The following PLXDC2 variants were observed in gnomAD, a reference collection of about 807,000 sequenced individuals.
PLXDC2 encodes the protein plexin domain-containing protein 2.
Under a neutral mutation model 68.9 loss-of-function variants are expected in PLXDC2, and 40 were observed. The ratio of observed to expected loss-of-function variants is 0.58; its 90% CI spans 0.45 to 0.76. PLXDC2 has a LOEUF of 0.76. PLXDC2 is among the 30% of genes least tolerant of loss of function. PLXDC2 has a pLI of 0.00. For synonymous variants in PLXDC2, 243 were observed against 234.2 expected, an observed-to-expected ratio of 1.04 and a Z score of -0.34; for missense variants, 644 against 661.9, an observed-to-expected ratio of 0.97 and a Z score of 0.30.
chr10:19,988,267 G>C (rs1401419831), intron 1 of PLXDC2, among the ~76,000 whole-genome samples: 5 of 152,166 alleles, frequency 3.3e-5, no homozygotes, highest in Admixed American at 3.3e-4. Flanking sequence ...GAAAGATTAA[G>C]ATATTCTAAT....
rs1209289537 is a variant in PLXDC2 at position 19,913,054 on chromosome 10, A to T, written c.113-88721A>T. ...CCTAGATCTCACAAGTTGTCAAAGT[A>T]TCTGAATGTTTTTGAATGCAGCTAT... On this transcript the variant is annotated intron_variant, in intron 1 of 13. Coordinates refer to ENST00000377252, the MANE Select transcript of PLXDC2 (RefSeq NM_032812.9). Among the ~76,000 whole-genome samples, 4 of 152,208 alleles carry T rather than the reference A, an allele frequency of 2.6e-5. No homozygotes were observed. The East Asian group carries it at 7.7e-4, about 29-fold the overall frequency.
intron 12 of PLXDC2, among the ~76,000 whole-genome samples, chr10:20,233,229 ACT>A (rs771593508): frequency 2.6e-5 from 4 of 151,704 alleles, no homozygotes; most frequent in Non-Finnish European, 5.9e-5. Flanking sequence ...GGGCTTTAAA[ACT>A]CTGTGATTTG....
At chr10:20,098,432 A>G (rs1833381073) in intron 4 of PLXDC2, among the ~76,000 whole-genome samples, 1 of 151,424 alleles carries the variant, frequency 6.6e-6, no homozygotes, top group South Asian at 2.1e-4. Flanking sequence ...TTAAGGATAT[A>G]TGGATTGCAT....
At chr10:19,895,108 T>A (rs1259114093) in intron 1 of PLXDC2, among the ~76,000 whole-genome samples, 1 of 152,132 alleles carries the variant, frequency 6.6e-6, no homozygotes, top group Admixed American at 6.5e-5. Context: ...TAAAAAAGGA[T>A]GAGTTCATGT....
intron 9 of PLXDC2, among the ~76,000 whole-genome samples, chr10:20,184,239 T>G (rs1174170545): frequency 1.3e-5 from 2 of 151,514 alleles, no homozygotes; most frequent in Non-Finnish European, 3.0e-5. Flanking sequence ...ACTTAATTCC[T>G]TTGCAGTAAT....
chr10:20,201,589 A>T (rs1399691639), intron 9 of PLXDC2, among the ~76,000 whole-genome samples: 6 of 152,180 alleles, frequency 3.9e-5, no homozygotes, highest in African/African-American at 1.4e-4. Context: ...GTAGTTAACA[A>T]TACTATATAT....
intron 1 of PLXDC2, among the ~76,000 whole-genome samples, chr10:19,905,731 C>A (rs555303502): frequency 3.3e-5 from 5 of 152,234 alleles, no homozygotes; most frequent in African/African-American, 1.2e-4. Context: ...TCTTTAATTG[C>A]AAAAGGTACC....
chr10:19,955,947 C>T (rs538632097), intron 1 of PLXDC2, among the ~76,000 whole-genome samples: 5 of 152,156 alleles, frequency 3.3e-5, no homozygotes, highest in South Asian at 2.1e-4. Context: ...GGCATGGTGG[C>T]GGACACCTGT....
At chr10:20,010,594 C>A (rs1404213507) in intron 2 of PLXDC2, among the ~76,000 whole-genome samples, 1 of 152,146 alleles carries the variant, frequency 6.6e-6, no homozygotes, top group Non-Finnish European at 1.5e-5. Flanking sequence ...TTTGATGCTT[C>A]ACTGTTAGCT....
intron 1 of PLXDC2, among the ~76,000 whole-genome samples, chr10:19,961,849 C>T (rs1371592904): frequency 6.6e-6 from 1 of 152,114 alleles, no homozygotes; most frequent in Non-Finnish European, 1.5e-5. Flanking sequence ...ACTAGGAGGG[C>T]CCTCAAAATG....
chr10:20,049,098 C>T (rs1478352821), intron 3 of PLXDC2, among the ~76,000 whole-genome samples: 2 of 151,936 alleles, frequency 1.3e-5, no homozygotes, highest in Non-Finnish European at 2.9e-5. Context: ...AGTATTGAAG[C>T]CATTAACAAA....
At chr10:19,817,288 T>TCTGC (rs1389709715) in intron 1 of PLXDC2, 97 bp downstream of exon 1, 2 of 1,004,072 alleles carry the variant, frequency 2.0e-6, no homozygotes, top group Admixed American at 4.3e-5. Flanking sequence ...ACATCACCTA[T>TCTGC]CTGCCCTTGG....
chr10:19,861,284 C>T (rs1243796404), intron 1 of PLXDC2, among the ~76,000 whole-genome samples: 1 of 152,074 alleles, frequency 6.6e-6, no homozygotes, highest in Non-Finnish European at 1.5e-5. Flanking sequence ...ACCCGCCCAC[C>T]TCTGCCTCCC....
At chr10:20,022,518 A>T (rs1037703778) in intron 2 of PLXDC2, among the ~76,000 whole-genome samples, 2 of 152,064 alleles carry the variant, frequency 1.3e-5, no homozygotes, top group Non-Finnish European at 2.9e-5. Flanking sequence ...TTGGAACCTG[A>T]TGTATTCTGT....
intron 1 of PLXDC2, among the ~76,000 whole-genome samples, chr10:19,975,608 A>G (rs1385211556): frequency 2.0e-5 from 3 of 152,196 alleles, no homozygotes; most frequent in African/African-American, 7.2e-5. Context: ...TAAGAGCACT[A>G]TTTAGAGCTG....
intron 4 of PLXDC2, among the ~76,000 whole-genome samples, chr10:20,135,082 T>C (rs1833917488): frequency 6.6e-6 from 1 of 152,236 alleles, no homozygotes; most frequent in African/African-American, 2.4e-5. Flanking sequence ...GATCTCTTAG[T>C]TCTTGTGAAG....
At position 20,280,462 on chromosome 10, in the gene PLXDC2, ACCATGTCTGCCTCTTCCTT is replaced by A. The variant is rs1464869450; in HGVS notation, c.*644_*662del. On this transcript the variant is annotated 3_prime_UTR_variant, in exon 14 of 14. Coordinates refer to ENST00000377252, the MANE Select transcript of PLXDC2 (RefSeq NM_032812.9). ...CTTTTTATCCGTACAGGAGGTTCAA[ACCATGTCTGCCTCTTCCTT>A]TGTAATGAATGACCTTTCTATGAGC... The A allele has an allele frequency of 2.0e-5, 3 of 152,226 alleles. No homozygotes were observed. The allele number at this position is 152,226 out of a possible 1,614,324, so 9.4% of individuals were successfully genotyped here. A position where few individuals can be genotyped will look rare whatever the true frequency, so the allele number is the denominator to read the frequency against.
At chr10:20,182,678 T>G (rs1834622400) in intron 9 of PLXDC2, among the ~76,000 whole-genome samples, 2 of 152,126 alleles carry the variant, frequency 1.3e-5, no homozygotes, top group South Asian at 4.1e-4. Context: ...ATTTTACATT[T>G]CTTTTTTTTT....
At position 20,176,390 on chromosome 10, in the gene PLXDC2, ATG is replaced by A. The variant is rs66825907; in HGVS notation, c.884-585_884-584del. 3.8e-3 allele frequency among the ~76,000 whole-genome samples: 567 copies of A among 149,428 alleles called. 2 individuals are homozygous for A. The highest frequency in any genetic ancestry group is 0.011 in the African/African-American group (452 of 40,680). On this transcript the variant is annotated intron_variant, in intron 7 of 13. Transcript: ENST00000377252. ...AACACATTCATCATCTCGCACAGTTATGTGTGTGTGTGTGTGTGTGTGTGTCT... is the reference window on the plus strand; with the variant it reads ...AACACATTCATCATCTCGCACAGTTATGTGTGTGTGTGTGTGTGTGTGTCT...
Sources: allele counts gnomAD v4.1 joint callset (sites outside exome capture counted in the v4.1 genomes callset), GRCh38; gene constraint gnomAD v4.1.1; transcripts MANE v1.5; gene names NCBI Gene and HGNC (gene_info 2026-07-23, HGNC 2026-07-21).